The following GAB1 variants were observed in gnomAD, a reference collection of about 807,000 sequenced individuals.
The protein encoded by GAB1 is GRB2-associated-binding protein 1.
GAB1 carries 19 observed loss-of-function variants against 66.5 expected under a neutral mutation model. That is an observed-to-expected ratio of 0.29 (90% CI 0.20 to 0.42). GAB1 has a LOEUF of 0.42. Among genes scored for constraint, GAB1 ranks in the 10% least tolerant of loss-of-function variants. The pLI is 1.00. For missense variants in GAB1, 732 were observed against 858.5 expected, an observed-to-expected ratio of 0.85 and a Z score of 1.84; for synonymous variants, 294 against 301.4, an observed-to-expected ratio of 0.98 and a Z score of 0.25.
intron 1 of GAB1, among the ~76,000 whole-genome samples, chr4:143,411,743 C>G (rs763712166): frequency 6.6e-6 from 1 of 152,196 alleles, no homozygotes; most frequent in Admixed American, 6.5e-5. Context: ...GATGTCAGTT[C>G]TCTTGTCGAG....
In GAB1 at chr4:143,470,984, T is replaced by C. The variant is rs1736053044; in HGVS notation, c.*1795T>C. The stretch of plus-strand genomic sequence containing the variant: ...AATAAAAAAGATTGATTGAGTTTGG[T>C]GTGCAAGCTGTTTTATAATGAAACA... On this transcript the variant is annotated 3_prime_UTR_variant, in exon 10 of 10. Coordinates refer to ENST00000262994, the MANE Select transcript of GAB1 (RefSeq NM_002039.4). The C allele has an allele frequency of 6.6e-6, 1 of 152,228 alleles. No individual in the cohort carries two copies. Among genetic ancestry groups the C allele is most frequent in the African/African-American group, 2.4e-5 (1 of 41,460 alleles). 9.4% of individuals were successfully genotyped at this position (152,228 alleles called of 1,614,324 possible).
Position 143,404,749 on chromosome 4 carries a change from C to G in GAB1, c.73-10728C>G, listed in dbSNP as rs532062583. On this transcript the variant is annotated intron_variant, in intron 1 of 9. Transcript: ENST00000262994. ...TGAGCAACAGAGCGAGACACTGTTG[C>G]AAAACTGAAAACAAAACAACTGCAT... 2.0e-5 allele frequency among the ~76,000 whole-genome samples: 3 copies of G among 152,222 alleles called. No individual in the cohort carries two copies. In the South Asian group the frequency reaches 6.2e-4, roughly 32 times the overall value.
At chr4:143,359,686 C>A (rs1397505056) in intron 1 of GAB1, among the ~76,000 whole-genome samples, 1 of 152,168 alleles carries the variant, frequency 6.6e-6, no homozygotes, top group Non-Finnish European at 1.5e-5. Context: ...TATAATCAGG[C>A]CAGCCAAAGA....
chr4:143,439,896 A>G lies in GAB1; in HGVS notation c.1281+9A>G. 4 of 1,593,938 alleles carry G rather than the reference A, an allele frequency of 2.5e-6. No homozygotes were observed. The highest frequency in any genetic ancestry group is 3.4e-6 in the Non-Finnish European group (4 of 1,161,680). ...GCTTCCATAACCACTTTGTAAGTAT[A>G]ATTGACCTTGGCATCATCAAGTGTA... On this transcript the variant is annotated intron_variant, in intron 5 of 9. Coordinates refer to ENST00000262994, the MANE Select transcript of GAB1 (RefSeq NM_002039.4).
chr4:143,352,167 T>C (rs1054133170), intron 1 of GAB1, among the ~76,000 whole-genome samples: 1 of 152,230 alleles, frequency 6.6e-6, no homozygotes, highest in African/African-American at 2.4e-5. Flanking sequence ...AGGGGGATGC[T>C]GAGTCATTTA....
At position 143,471,586 on chromosome 4, in the gene GAB1, GT is replaced by G. The variant is rs2149805499; in HGVS notation, c.*2398del. 6.6e-6 allele frequency: 1 copy of G among 152,264 alleles called. No individual in the cohort carries two copies. The highest frequency in any genetic ancestry group is 1.5e-5 in the Non-Finnish European group (1 of 68,012). The allele number at this position is 152,264 out of a possible 1,614,324, so 9.4% of individuals were successfully genotyped here. A position where few individuals can be genotyped will look rare whatever the true frequency, so the allele number is the denominator to read the frequency against. On this transcript the variant is annotated 3_prime_UTR_variant, in exon 10 of 10. Transcript: ENST00000262994. ...TGAGTTATTTCTGAATAACACAAAT[GT>G]GGAGTTATACATAGTTGATGAAACC...
At chr4:143,446,872 G>T (rs1734583241) in intron 6 of GAB1, among the ~76,000 whole-genome samples, 1 of 150,926 alleles carries the variant, frequency 6.6e-6, no homozygotes. Context: ...CCTTGCCCAT[G>T]CCTATGTCCT....
At position 143,438,326 on chromosome 4, in the gene GAB1, T is replaced by C. The variant is rs1183831518; in HGVS notation, c.921T>C (p.Tyr307=). ...ETQMRHVSIS[Y]DIPPTPGNTY... Reference sequence around the variant, plus strand: ...AAATGAGGCATGTATCTATTAGTTATGACATTCCTCCAACACCTGGTAATA... The same window carrying C: ...AAATGAGGCATGTATCTATTAGTTACGACATTCCTCCAACACCTGGTAATA... Residue 307 remains tyrosine (Y), a synonymous_variant, in exon 4 of 10, where the codon TAT becomes TAC. Coordinates refer to ENST00000262994, the MANE Select transcript of GAB1 (RefSeq NM_002039.4). 1.8e-5 allele frequency: 29 copies of C among 1,614,096 alleles called. No homozygotes were observed. The highest frequency in any genetic ancestry group is 2.3e-5 in the Non-Finnish European group (27 of 1,179,948).
At position 143,470,985 on chromosome 4, in the gene GAB1, G is replaced by C. The variant is rs1185157245; in HGVS notation, c.*1796G>C. The C allele has an allele frequency of 1.3e-5, 2 of 152,186 alleles. No individual in the cohort carries two copies. The highest frequency in any genetic ancestry group is 2.9e-5 in the Non-Finnish European group (2 of 68,032). The allele number at this position is 152,186 out of a possible 1,614,324, so 9.4% of individuals were successfully genotyped here. A position where few individuals can be genotyped will look rare whatever the true frequency, so the allele number is the denominator to read the frequency against. On this transcript the variant is annotated 3_prime_UTR_variant, in exon 10 of 10. Transcript: ENST00000262994. ...ATAAAAAAGATTGATTGAGTTTGGT[G>C]TGCAAGCTGTTTTATAATGAAACAA...
At chr4:143,347,979 T>G (rs1241442835) in intron 1 of GAB1, among the ~76,000 whole-genome samples, 1 of 152,222 alleles carries the variant, frequency 6.6e-6, no homozygotes, top group Non-Finnish European at 1.5e-5. Flanking sequence ...TCACCCTTAT[T>G]TAAACACCAG....
At chr4:143,455,806 C>T (rs528278488) in intron 6 of GAB1, among the ~76,000 whole-genome samples, 2 of 152,096 alleles carry the variant, frequency 1.3e-5, no homozygotes, top group Non-Finnish European at 2.9e-5. Context: ...GATCTCCAGC[C>T]GCAATGGAGA....
intron 8 of GAB1, among the ~76,000 whole-genome samples, chr4:143,460,764 C>T (rs982639216): frequency 2.6e-5 from 4 of 152,050 alleles, no homozygotes; most frequent in East Asian, 3.9e-4. Context: ...GGGAGGATCA[C>T]TTGAGTCCTT....
At chr4:143,388,478 G>T (rs575972657) in intron 1 of GAB1, among the ~76,000 whole-genome samples, 1 of 152,186 alleles carries the variant, frequency 6.6e-6, no homozygotes, top group Admixed American at 6.5e-5. Flanking sequence ...GCAGTAGAGC[G>T]ATCTCGGCTC....
intron 1 of GAB1, among the ~76,000 whole-genome samples, chr4:143,403,477 G>A (rs1337466609): frequency 6.6e-6 from 1 of 152,138 alleles, no homozygotes; most frequent in Non-Finnish European, 1.5e-5. Context: ...GGGCAAGATG[G>A]CACTTGGATT....
At chr4:143,414,444 A>G (rs1732569333) in intron 1 of GAB1, among the ~76,000 whole-genome samples, 1 of 152,078 alleles carries the variant, frequency 6.6e-6, no homozygotes, top group African/African-American at 2.4e-5. Context: ...GAACTTGTGG[A>G]GGGGGTATGT....
At chr4:143,345,405 G>C (rs1728955014) in intron 1 of GAB1, among the ~76,000 whole-genome samples, 1 of 152,138 alleles carries the variant, frequency 6.6e-6, no homozygotes. Context: ...ATTGTCTCAT[G>C]AATTAAAAAC....
chr4:143,454,681 G>T (rs1300439921), intron 6 of GAB1, among the ~76,000 whole-genome samples: 1 of 152,138 alleles, frequency 6.6e-6, no homozygotes, highest in Non-Finnish European at 1.5e-5. Context: ...TTAATTCTTG[G>T]ATCAGTTGCT....
At chr4:143,406,946 G>A (rs922936256) in intron 1 of GAB1, among the ~76,000 whole-genome samples, 19 of 152,170 alleles carry the variant, frequency 1.2e-4, no homozygotes, top group African/African-American at 4.3e-4. Flanking sequence ...GCTGTATTTA[G>A]AATTAATACA....
chr4:143,436,386 G>T (rs1159231686), intron 3 of GAB1, among the ~76,000 whole-genome samples: 2 of 152,144 alleles, frequency 1.3e-5, no homozygotes, highest in South Asian at 4.1e-4. Context: ...CCCTGTAGGG[G>T]CCCTTACTAG....
Sources: gnomAD v4.1 joint callset for allele counts (sites outside exome capture counted in the v4.1 genomes callset) on GRCh38, gnomAD v4.1.1 for gene constraint, MANE v1.5 for transcripts, NCBI Gene and HGNC (gene_info 2026-07-23, HGNC 2026-07-21) for gene names.